The following HOXC6 variants were observed in gnomAD, a reference collection of about 807,000 sequenced individuals.
The protein encoded by HOXC6 is homeobox protein Hox-C6.
HOXC6 carries 10 observed loss-of-function variants against 24.0 expected under a neutral mutation model. That is an observed-to-expected ratio of 0.42 (90% CI 0.26 to 0.71). The LOEUF (loss-of-function observed/expected upper bound fraction) is 0.71. Among genes scored for constraint, HOXC6 ranks in the 30% least tolerant of loss-of-function variants. HOXC6 has a pLI of 0.28. For missense variants in HOXC6, 258 were observed against 303.4 expected (o/e 0.85, Z 1.11); for synonymous variants, 123 against 128.1 (o/e 0.96, Z 0.27).
At chr12:54,018,032 G>A (rs1004251803) in intron 1 of HOXC6, among the ~76,000 whole-genome samples, 1 of 152,192 alleles carries the variant, frequency 6.6e-6, no homozygotes, top group Non-Finnish European at 1.5e-5. Context: ...TTGGCAATTA[G>A]GGGGGAGGCT....
intron 1 of HOXC6, among the ~76,000 whole-genome samples, chr12:54,029,404 C>T (rs1940885155): frequency 1.4e-5 from 1 of 70,402 alleles, no homozygotes; most frequent in African/African-American, 7.2e-5. Flanking sequence ...TTTTGCCCCG[C>T]CCCCCCGCCC....
intron 1 of HOXC6, among the ~76,000 whole-genome samples, chr12:54,019,342 C>A (rs1940319433): frequency 6.6e-6 from 1 of 152,192 alleles, no homozygotes; most frequent in African/African-American, 2.4e-5. Flanking sequence ...CAGGCACGGC[C>A]CAGTGGCTGA....
At chr12:54,025,532 G>C (rs994457821), upstream of HOXC6, among the ~76,000 whole-genome samples, 4 of 46,996 alleles carry the variant, frequency 8.5e-5, no homozygotes, top group African/African-American at 1.4e-4. Context: ...GTAATTGGGG[G>C]GGGGGGAGGT....
At chr12:54,029,035 C>T (rs1474625982) in intron 1 of HOXC6, 114 bp downstream of exon 1, 3 of 1,017,204 alleles carry the variant, frequency 2.9e-6, no homozygotes, top group Admixed American at 2.7e-5. Context: ...AACAATCACG[C>T]TCGTCTCCTC....
exon 1 of HOXC6, chr12:54,017,249 T>C (rs1940195358): frequency 6.6e-6 from 1 of 152,170 alleles, no homozygotes; most frequent in Admixed American, 6.5e-5. Context: ...TTTGTTTGGC[T>C]TTTGGATGAT....
upstream of HOXC6, among the ~76,000 whole-genome samples, chr12:54,026,049 T>C (rs1342270689): frequency 1.3e-5 from 2 of 152,190 alleles, no homozygotes; most frequent in African/African-American, 4.8e-5. Context: ...TTGTTGTACA[T>C]TGCAACAATT....
At chr12:54,019,546 G>T (rs567903825) in intron 1 of HOXC6, among the ~76,000 whole-genome samples, 2 of 152,220 alleles carry the variant, frequency 1.3e-5, no homozygotes, top group South Asian at 4.1e-4. Flanking sequence ...GTCCGCCCCC[G>T]CCCCTGTGGA....
At chr12:54,025,674 G>A (rs563996173), upstream of HOXC6, among the ~76,000 whole-genome samples, 4 of 151,830 alleles carry the variant, frequency 2.6e-5, no homozygotes, top group Non-Finnish European at 5.9e-5. Context: ...ATTATAAATC[G>A]GCGAGACCTT....
chr12:54,029,668 A>G lies in HOXC6; in HGVS notation c.414A>G (p.Gly138=). The change falls in exon 2 of 2, where the codon GGA becomes GGG. Residue 138 remains glycine (G), a synonymous_variant. Transcript: ENST00000243108. ...RMNSHSGVGY[G]ADRRRGRQIY... is the part of the protein sequence containing the mutation. ...CCGGATCTTTAGGGGTCGGCTACGG[A>G]GCGGACCGGAGGCGCGGCCGCCAGA... is the stretch of plus-strand genomic sequence containing the variant. 1 of 1,613,184 alleles carries G rather than the reference A, an allele frequency of 6.2e-7. No homozygotes were observed. Among genetic ancestry groups the G allele is most frequent in the Non-Finnish European group, 8.5e-7 (1 of 1,179,346 alleles).
chr12:54,027,767 C>T (rs1266419320), upstream of HOXC6, among the ~76,000 whole-genome samples: 2 of 152,188 alleles, frequency 1.3e-5, no homozygotes, highest in Non-Finnish European at 2.9e-5. Context: ...TTTGCCCACT[C>T]CAGCTCTGCC....
In HOXC6 at chr12:54,030,786, G is replaced by T. The variant is rs766300445; in HGVS notation, c.*824G>T. 1.6e-4 allele frequency: 25 copies of T among 152,510 alleles called. No homozygotes were observed. The highest frequency in any genetic ancestry group is 5.8e-4 in the African/African-American group (24 of 41,586). 9.4% of individuals were successfully genotyped at this position (152,510 alleles called of 1,614,324 possible). A position where few individuals can be genotyped will look rare whatever the true frequency, so the allele number is the denominator to read the frequency against. On this transcript the variant is annotated 3_prime_UTR_variant, in exon 2 of 2. Transcript: ENST00000243108. ...AAATCCAACCTCTGGGTCCGTTCTC[G>T]AATATTTAATAAAACTGATATTATT... is the stretch of plus-strand genomic sequence containing the variant.
chr12:54,022,188 T>C (rs1226452263), intron 1 of HOXC6: 1 of 151,986 alleles, frequency 6.6e-6, no homozygotes, highest in African/African-American at 2.4e-5. Context: ...ACTACCCCAC[T>C]CCTTTCTGCA....
chr12:54,029,702 CG>C lies in HOXC6; in HGVS notation c.450del (p.Tyr151ThrfsTer16). ...GAGGCGCGGCCGCCAGATCTACTCG[CG>C]GTACCAGACCCTGGAACTGGAGAAG... ...DRRRGRQIYS[R>X]YQTLELEKEF... On this transcript the variant is annotated frameshift_variant, in exon 2 of 2. Transcript: ENST00000243108. LOFTEE classifies it high-confidence loss of function. The C allele has an allele frequency of 6.2e-6, 10 of 1,614,080 alleles. No individual in the cohort carries two copies. The highest frequency in any genetic ancestry group is 8.5e-6 in the Non-Finnish European group (10 of 1,179,952).
At chr12:54,025,447 T>C (rs1256629341), upstream of HOXC6, among the ~76,000 whole-genome samples, 1 of 149,580 alleles carries the variant, frequency 6.7e-6, no homozygotes, top group African/African-American at 2.4e-5. Context: ...GAGCGAATCC[T>C]TTCAGCAAAT....
At chr12:54,027,223 G>T (rs559600000), upstream of HOXC6, among the ~76,000 whole-genome samples, 2 of 152,216 alleles carry the variant, frequency 1.3e-5, no homozygotes, top group Non-Finnish European at 2.9e-5. Flanking sequence ...TGGGCGTTGA[G>T]GTTGCTGAGA....
chr12:54,025,381 A>G (rs2136428599), upstream of HOXC6, among the ~76,000 whole-genome samples: 1 of 152,286 alleles, frequency 6.6e-6, no homozygotes, highest in South Asian at 2.1e-4. Context: ...TGGGAAAAAG[A>G]AAATATAATC....
At chr12:54,025,407 C>G (rs1314961396), upstream of HOXC6, among the ~76,000 whole-genome samples, 2 of 151,828 alleles carry the variant, frequency 1.3e-5, no homozygotes, top group Non-Finnish European at 2.9e-5. Context: ...TAGGGAAGAT[C>G]GGGCTCATCT....
At chr12:54,028,295 T>G (rs1000137595), upstream of HOXC6, 23 of 380,442 alleles carry the variant, frequency 6.0e-5, 1 homozygote, top group Non-Finnish European at 5.7e-5. Context: ...AAGTCTTACT[T>G]TCAAAGCACA....
At chr12:54,026,408 T>G (rs1264763905), upstream of HOXC6, among the ~76,000 whole-genome samples, 1 of 152,210 alleles carries the variant, frequency 6.6e-6, no homozygotes, top group African/African-American at 2.4e-5. Context: ...CTCACATTGG[T>G]GTCTATGTTT....
Sources: gnomAD v4.1 joint callset for allele counts (sites outside exome capture counted in the v4.1 genomes callset) on GRCh38, gnomAD v4.1.1 for gene constraint, MANE v1.5 for transcripts, NCBI Gene and HGNC (gene_info 2026-07-23, HGNC 2026-07-21) for gene names.